CNTNAP2: variants seen among roughly 807,000 people sequenced by gnomAD.
CNTNAP2 encodes the protein contactin-associated protein-like 2.
CNTNAP2 carries 98 observed loss-of-function variants against 155.2 expected under a neutral mutation model. That is an observed-to-expected ratio of 0.63 (90% CI 0.54 to 0.75). The LOEUF is 0.75. Ranked by LOEUF, CNTNAP2 falls within the 30% of genes least tolerant of loss-of-function variation. The pLI, the probability that CNTNAP2 is intolerant of heterozygous loss-of-function variation, is 0.00. For synonymous variants in CNTNAP2, 651 were observed against 631.2 expected, an observed-to-expected ratio of 1.03 and a Z score of -0.47; for missense variants, 1,727 against 1,688.1, an observed-to-expected ratio of 1.02 and a Z score of -0.40.
intron 18 of CNTNAP2, among the ~76,000 whole-genome samples, chr7:148,204,837 C>G (rs1302537699): frequency 1.3e-5 from 2 of 152,212 alleles, no homozygotes; most frequent in Non-Finnish European, 2.9e-5. Context: ...GCATTTGACT[C>G]TTGACTCTGT....
intron 8 of CNTNAP2, among the ~76,000 whole-genome samples, chr7:147,137,820 G>A (rs1324260607): frequency 6.6e-6 from 1 of 151,232 alleles, no homozygotes. Context: ...TTTTCAACCT[G>A]GGTAAATAAT....
intron 2 of CNTNAP2, among the ~76,000 whole-genome samples, chr7:146,828,413 CA>C (rs1380770246): frequency 1.3e-4 from 20 of 152,010 alleles, no homozygotes; most frequent in African/African-American, 3.9e-4. Context: ...ATAAAGAACG[CA>C]GTCCAATCTC....
intron 1 of CNTNAP2, among the ~76,000 whole-genome samples, chr7:146,240,621 G>A (rs945819506): frequency 4.6e-5 from 7 of 151,798 alleles, no homozygotes; most frequent in Non-Finnish European, 7.4e-5. Context: ...ACTTCTCACA[G>A]TGACCTTAGG....
chr7:147,880,851 TTGGGTG>T (rs1427306173), intron 13 of CNTNAP2, among the ~76,000 whole-genome samples: 1 of 100,048 alleles, frequency 1.0e-5, no homozygotes, highest in Non-Finnish European at 1.9e-5. Context: ...ATGATTGGAG[TTGGGTG>T]TGTGTGTGTG....
chr7:146,498,172 TA>T (rs1294308654), intron 1 of CNTNAP2, among the ~76,000 whole-genome samples: 1 of 152,150 alleles, frequency 6.6e-6, no homozygotes, highest in African/African-American at 2.4e-5. Context: ...ACACTGCTTC[TA>T]AAAGAAGAAG....
chr7:146,776,386 C>A (rs1461174888), intron 2 of CNTNAP2, among the ~76,000 whole-genome samples: 2 of 152,090 alleles, frequency 1.3e-5, no homozygotes, highest in Non-Finnish European at 2.9e-5. Flanking sequence ...ATGCAAACAG[C>A]ACTTCAGGAA....
chr7:147,913,139 T>A (rs942599833), intron 14 of CNTNAP2, among the ~76,000 whole-genome samples: 49 of 152,160 alleles, frequency 3.2e-4, no homozygotes, highest in Non-Finnish European at 1.2e-4. Context: ...AAGACAAAAA[T>A]GTAACACATG....
chr7:147,127,965 G>C (rs892423138), intron 6 of CNTNAP2, among the ~76,000 whole-genome samples: 1 of 152,016 alleles, frequency 6.6e-6, no homozygotes, highest in Admixed American at 6.6e-5. Flanking sequence ...TAATGCTATA[G>C]TGTATATTGA....
chr7:146,867,824 T>C (rs1174791294), intron 3 of CNTNAP2, among the ~76,000 whole-genome samples: 1 of 151,028 alleles, frequency 6.6e-6, no homozygotes, highest in African/African-American at 2.4e-5. Flanking sequence ...ATGTCTTCAT[T>C]TGAGGAGTGT....
At chr7:148,171,629 A>G (rs1805796241) in intron 17 of CNTNAP2, among the ~76,000 whole-genome samples, 1 of 152,214 alleles carries the variant, frequency 6.6e-6, no homozygotes. Flanking sequence ...GACAAAAGCA[A>G]TGAAATCTGA....
chr7:147,212,359 G>T (rs1481367767), intron 8 of CNTNAP2, among the ~76,000 whole-genome samples: 1 of 152,082 alleles, frequency 6.6e-6, no homozygotes, highest in African/African-American at 2.4e-5. Context: ...CATCAATGGT[G>T]CATTGGATAA....
intron 15 of CNTNAP2, among the ~76,000 whole-genome samples, chr7:148,046,982 A>G (rs1035406106): frequency 6.6e-6 from 1 of 152,198 alleles, no homozygotes; most frequent in Admixed American, 6.5e-5. Context: ...CTCTACCTAG[A>G]ATAGCTGTTA....
chr7:148,322,572 G>T (rs982669158), intron 21 of CNTNAP2, among the ~76,000 whole-genome samples: 1 of 151,984 alleles, frequency 6.6e-6, no homozygotes, highest in Non-Finnish European at 1.5e-5. Context: ...ACTTGGGCAC[G>T]TCTAGGATCA....
chr7:146,925,437 T>C (rs980813963), intron 3 of CNTNAP2, among the ~76,000 whole-genome samples: 1 of 152,050 alleles, frequency 6.6e-6, no homozygotes, highest in African/African-American at 2.4e-5. Context: ...AAGAGCAAGG[T>C]GACAAAAATG....
intron 1 of CNTNAP2, among the ~76,000 whole-genome samples, chr7:146,630,952 A>C (rs1799500699): frequency 6.6e-6 from 1 of 152,224 alleles, no homozygotes; most frequent in African/African-American, 2.4e-5. Context: ...ATAGATAGGA[A>C]GAATCAATAT....
chr7:147,326,932 A>G (rs1013070844), intron 9 of CNTNAP2, among the ~76,000 whole-genome samples: 3 of 152,222 alleles, frequency 2.0e-5, no homozygotes, highest in African/African-American at 7.2e-5. Flanking sequence ...CTTCTAATAT[A>G]ATGGGTACTT....
At chr7:148,196,487 G>T (rs1046890762) in intron 18 of CNTNAP2, among the ~76,000 whole-genome samples, 1 of 152,120 alleles carries the variant, frequency 6.6e-6, no homozygotes, top group Non-Finnish European at 1.5e-5. Flanking sequence ...GAGGAAGCTG[G>T]TAGGCACAGA....
intron 1 of CNTNAP2, among the ~76,000 whole-genome samples, chr7:146,520,530 A>G (rs1469063287): frequency 1.3e-5 from 2 of 151,566 alleles, no homozygotes; most frequent in Admixed American, 6.6e-5. Context: ...TTCCTAAGCT[A>G]GATACTCTAT....
At chr7:146,779,796 T>C (rs1802451192) in intron 2 of CNTNAP2, among the ~76,000 whole-genome samples, 1 of 152,222 alleles carries the variant, frequency 6.6e-6, no homozygotes, top group Non-Finnish European at 1.5e-5. Flanking sequence ...GTGGTGATGT[T>C]GTTTTCACAT....
Sources: gnomAD v4.1 joint callset for allele counts (sites outside exome capture counted in the v4.1 genomes callset) on GRCh38, gnomAD v4.1.1 for gene constraint, MANE v1.5 for transcripts, NCBI Gene and HGNC (gene_info 2026-07-23, HGNC 2026-07-21) for gene names.